NRXN3: variants seen among roughly 807,000 people sequenced by gnomAD.
NRXN3 encodes neurexin 3.
A neutral mutation model predicts 137.6 loss-of-function variants in NRXN3; 32 were observed. That is an observed-to-expected ratio of 0.23 (90% confidence interval 0.18 to 0.31). NRXN3 has a LOEUF of 0.31. Ranked by LOEUF, NRXN3 falls within the 10% of genes least tolerant of loss-of-function variation. The probability of loss-of-function intolerance (pLI) is 1.00; values close to 1 mark genes in which losing one functional copy is unlikely to be tolerated. For missense variants in NRXN3, 1,574 were observed against 2,062.5 expected (o/e 0.76, Z 4.59); for synonymous variants, 798 against 784.5 (o/e 1.02, Z -0.29).
chr14:78,245,979 G>A (rs1567067157), intron 2 of NRXN3, among the ~76,000 whole-genome samples: 1 of 152,340 alleles, frequency 6.6e-6, no homozygotes, highest in Non-Finnish European at 1.5e-5. Flanking sequence ...CTGTTCCAGA[G>A]CTTCTTGGCT....
intron 15 of NRXN3, among the ~76,000 whole-genome samples, chr14:79,326,034 T>G (rs867426254): frequency 6.6e-6 from 1 of 152,212 alleles, no homozygotes; most frequent in Non-Finnish European, 1.5e-5. Flanking sequence ...ATTGCTGCAG[T>G]GATGAGATAA....
At chr14:79,354,566 G>A (rs2093350839) in intron 15 of NRXN3, among the ~76,000 whole-genome samples, 1 of 152,090 alleles carries the variant, frequency 6.6e-6, no homozygotes, top group African/African-American at 2.4e-5. Flanking sequence ...CTGTATGCAT[G>A]TACATTCAGA....
chr14:78,675,827 C>A lies in NRXN3; in HGVS notation c.1221+24501C>A, dbSNP rs914266268. On this transcript the variant is annotated intron_variant, in intron 6 of 20. Coordinates refer to ENST00000335750, the MANE Select transcript of NRXN3 (RefSeq NM_001330195.2). ...TTCTTTTTTCAAATGGAAGTTTTGC[C>A]GCCACCTTGCATCAAGCATTTTCCA... Among the ~76,000 whole-genome samples, 2 of 152,002 alleles carry A rather than the reference C, an allele frequency of 1.3e-5. 1 individual carries two copies. The highest frequency in any genetic ancestry group is 4.2e-4 in the South Asian group (2 of 4,796).
chr14:79,628,679 A>C (rs1392802256), intron 16 of NRXN3, among the ~76,000 whole-genome samples: 2 of 152,194 alleles, frequency 1.3e-5, no homozygotes, highest in African/African-American at 2.4e-5. Flanking sequence ...ATGGTACCTG[A>C]GATCAGGTAC....
At chr14:79,139,212 G>T (rs2058554395) in intron 15 of NRXN3, among the ~76,000 whole-genome samples, 1 of 152,154 alleles carries the variant, frequency 6.6e-6, no homozygotes, top group African/African-American at 2.4e-5. Flanking sequence ...GTGATGACTG[G>T]TCTCCATGAA....
At chr14:78,665,791 C>G (rs998483639) in intron 6 of NRXN3, among the ~76,000 whole-genome samples, 1 of 152,162 alleles carries the variant, frequency 6.6e-6, no homozygotes, top group Non-Finnish European at 1.5e-5. Flanking sequence ...GTGGCCATGG[C>G]TCAGTGAGAG....
intron 4 of NRXN3, among the ~76,000 whole-genome samples, chr14:78,388,546 C>A (rs2090317347): frequency 2.0e-5 from 3 of 152,034 alleles, no homozygotes; most frequent in African/African-American, 7.2e-5. Context: ...GAGGTCTGTG[C>A]AAATAAAGTT....
At chr14:78,498,817 G>A (rs1193226638) in intron 4 of NRXN3, among the ~76,000 whole-genome samples, 4 of 151,660 alleles carry the variant, frequency 2.6e-5, no homozygotes, top group African/African-American at 9.7e-5. Context: ...TTGAGATGGG[G>A]GTCTCACTAT....
intron 16 of NRXN3, among the ~76,000 whole-genome samples, chr14:79,543,269 G>A (rs1346595481): frequency 2.0e-5 from 3 of 152,178 alleles, no homozygotes; most frequent in Admixed American, 6.6e-5. Flanking sequence ...TGCAACAGAG[G>A]AGAGGGTTAG....
intron 1 of NRXN3, among the ~76,000 whole-genome samples, chr14:78,223,293 T>G (rs1287904522): frequency 6.6e-6 from 1 of 152,228 alleles, no homozygotes; most frequent in Non-Finnish European, 1.5e-5. Context: ...GGGAAAATAG[T>G]CTGATGCTTC....
chr14:78,744,411 G>A (rs1283444267), intron 8 of NRXN3: 1 of 152,176 alleles, frequency 6.6e-6, no homozygotes, highest in Non-Finnish European at 1.5e-5. Flanking sequence ...TTACAGGTGT[G>A]AGCCATGTCT....
chr14:79,594,537 A>G lies in NRXN3; in HGVS notation c.3445-69241A>G, dbSNP rs1486573577. Among the ~76,000 whole-genome samples the G allele has an allele frequency of 2.6e-5, 4 of 152,202 alleles. No homozygotes were observed. The East Asian group carries it at 5.8e-4, about 22-fold the overall frequency. On this transcript the variant is annotated intron_variant, in intron 16 of 20. Coordinates refer to ENST00000335750, the MANE Select transcript of NRXN3 (RefSeq NM_001330195.2). ...AGTAAGTTATGATCAAAACTAATGC[A>G]AGGGCTTACAGCCTAAGAAGAAAGT...
chr14:78,378,415 G>A (rs1320304994), intron 4 of NRXN3, among the ~76,000 whole-genome samples: 3 of 150,766 alleles, frequency 2.0e-5, no homozygotes, highest in Admixed American at 6.6e-5. Flanking sequence ...AACCCGGGAC[G>A]TGGATGTTGC....
chr14:78,537,415 A>C (rs1024970044), intron 4 of NRXN3, among the ~76,000 whole-genome samples: 29 of 152,278 alleles, frequency 1.9e-4, no homozygotes, highest in South Asian at 4.1e-4. Context: ...TCTTCTTTTG[A>C]GAAGTGTCTG....
intron 10 of NRXN3, among the ~76,000 whole-genome samples, chr14:78,941,029 G>A (rs2099351901): frequency 1.3e-5 from 2 of 152,122 alleles, no homozygotes; most frequent in South Asian, 4.1e-4. Context: ...GTTAGGGGAT[G>A]GCAGTCAATT....
chr14:78,854,836 C>A (rs1050986492), intron 10 of NRXN3, among the ~76,000 whole-genome samples: 34 of 151,916 alleles, frequency 2.2e-4, no homozygotes, highest in African/African-American at 8.2e-4. Flanking sequence ...ATTTGGGAGG[C>A]CAAGGTGGGT....
intron 15 of NRXN3, among the ~76,000 whole-genome samples, chr14:79,073,638 T>C (rs2099691286): frequency 6.6e-6 from 1 of 152,174 alleles, no homozygotes; most frequent in Non-Finnish European, 1.5e-5. Flanking sequence ...TTCTTTTTAT[T>C]CCCTTCCCTT....
intron 8 of NRXN3, among the ~76,000 whole-genome samples, chr14:78,759,931 T>C (rs150615902): frequency 6.6e-6 from 1 of 152,154 alleles, no homozygotes; most frequent in East Asian, 1.9e-4. Context: ...GTCCTATTAG[T>C]ATGCCCACTT....
At chr14:78,300,697 G>T (rs1021439180) in intron 4 of NRXN3, 2 of 1,523,580 alleles carry the variant, frequency 1.3e-6, no homozygotes, top group African/African-American at 2.7e-5. Flanking sequence ...TAAAGGTAGA[G>T]CTCACTTTAT....
Sources: allele counts gnomAD v4.1 joint callset (sites outside exome capture counted in the v4.1 genomes callset), GRCh38; gene constraint gnomAD v4.1.1; transcripts MANE v1.5; gene names NCBI Gene and HGNC (gene_info 2026-07-23, HGNC 2026-07-21).